The following ISCA1 variants were observed in gnomAD, a reference collection of about 807,000 sequenced individuals.
The protein encoded by ISCA1 is iron-sulfur cluster assembly 1.
Under a neutral mutation model 14.7 loss-of-function variants are expected in ISCA1, and 9 were observed. The ratio of observed to expected loss-of-function variants is 0.61; its 90% CI spans 0.37 to 1.07. The LOEUF is 1.07. ISCA1 is among the 50% of genes least tolerant of loss of function. The pLI is 0.01. For synonymous variants in ISCA1, 38 were observed against 54.3 expected (o/e 0.70, Z 1.32); for missense variants, 102 against 150.1 (o/e 0.68, Z 1.67).
Position 86,266,189 on chromosome 9 carries a change from C to G in ISCA1, c.244G>C (p.Val82Leu), listed in dbSNP as rs1324359474. The G allele has an allele frequency of 1.9e-6, 3 of 1,601,582 alleles. No individual in the cohort carries two copies. The African/African-American group carries it at 4.0e-5, about 22-fold the overall frequency. ...DSDEEVIQDG[V>L]RVFIEKKAQL... ...GCTTTCTTTTCGATGAATACTCTGACTCCTTGGAGAAAAGAAAACATGTGT... is the reference window on the plus strand; with the variant it reads ...GCTTTCTTTTCGATGAATACTCTGAGTCCTTGGAGAAAAGAAAACATGTGT... Residue 82 changes from valine to leucine, a missense_variant and splice_region_variant, in exon 4 of 4, where the codon GTC (valine) becomes CTC (leucine). Coordinates refer to ENST00000375991, the MANE Select transcript of ISCA1 (RefSeq NM_030940.4).
chr9:86,272,175 A>G, intron 2 of ISCA1, 63 bp from the exon 3 acceptor site: 1 of 988,926 alleles, frequency 1.0e-6, no homozygotes, highest in South Asian at 1.4e-5. Context: ...AATTATACTA[A>G]TAAAGTGACA....
Position 86,275,348 on chromosome 9 carries a change from A to G in ISCA1, c.82-1106T>C, listed in dbSNP as rs147615598. ...TTTACTGTACAGTAAAGTCTTTGAG[A>G]CTGCTTGTGAAGTCTCAAAGTCTGG... On this transcript the variant is annotated intron_variant, in intron 1 of 3. Coordinates refer to ENST00000375991, the MANE Select transcript of ISCA1 (RefSeq NM_030940.4). 2.6e-5 allele frequency among the ~76,000 whole-genome samples: 4 copies of G among 152,052 alleles called. No individual in the cohort carries two copies. The East Asian group carries it at 7.7e-4, about 29-fold the overall frequency.
chr9:86,270,372 G>A (rs937889578), intron 3 of ISCA1, among the ~76,000 whole-genome samples: 1 of 151,600 alleles, frequency 6.6e-6, no homozygotes, highest in Non-Finnish European at 1.5e-5. Context: ...TCAGAGAAAT[G>A]CAAATCAAAA....
In ISCA1 at chr9:86,279,265, T is replaced by C. The variant is rs115200712; in HGVS notation, c.81+3113A>G. Among the ~76,000 whole-genome samples, 641 of 152,330 alleles carry C rather than the reference T, an allele frequency of 4.2e-3. 4 individuals are homozygous for C. The highest frequency in any genetic ancestry group is 0.014 in the African/African-American group (583 of 41,578). Reference sequence around the variant, plus strand: ...ACCATCATTCTCTCATAGAACTTGGTTGAGTTTTAATGCACAGCTGTGATC... The same window carrying C: ...ACCATCATTCTCTCATAGAACTTGGCTGAGTTTTAATGCACAGCTGTGATC... On this transcript the variant is annotated intron_variant, in intron 1 of 3. Coordinates refer to ENST00000375991, the MANE Select transcript of ISCA1 (RefSeq NM_030940.4).
chr9:86,277,973 T>C (rs868469259), intron 1 of ISCA1, among the ~76,000 whole-genome samples: 7 of 152,382 alleles, frequency 4.6e-5, no homozygotes, highest in Middle Eastern at 3.4e-3. Context: ...CAACACGCTT[T>C]CTAATCCTTG....
chr9:86,280,202 A>G (rs1396857552), intron 1 of ISCA1, among the ~76,000 whole-genome samples: 5 of 152,194 alleles, frequency 3.3e-5, no homozygotes, highest in African/African-American at 1.2e-4. Flanking sequence ...TGGGAACTGT[A>G]TAACTCATTC....
At chr9:86,276,078 T>C (rs1363687311) in intron 1 of ISCA1, among the ~76,000 whole-genome samples, 1 of 152,112 alleles carries the variant, frequency 6.6e-6, no homozygotes, top group African/African-American at 2.4e-5. Context: ...TATAATGAAA[T>C]AATTATATAA....
Position 86,265,844 on chromosome 9 carries a change from C to T in ISCA1, c.*199G>A. Reference sequence around the variant, plus strand: ...AAGGATACAAGAGACCTAAATGATCCAAAAAGAGTGATGGCTTCTCATTTT... The same window carrying T: ...AAGGATACAAGAGACCTAAATGATCTAAAAAGAGTGATGGCTTCTCATTTT... On this transcript the variant is annotated 3_prime_UTR_variant, in exon 4 of 4. Coordinates refer to ENST00000375991, the MANE Select transcript of ISCA1 (RefSeq NM_030940.4). 1 of 894,058 alleles carries T rather than the reference C, an allele frequency of 1.1e-6. No individual in the cohort carries two copies. Among genetic ancestry groups the T allele is most frequent in the South Asian group, 1.5e-5 (1 of 65,218 alleles). 55.4% of individuals were successfully genotyped at this position (894,058 alleles called of 1,614,324 possible).
intron 1 of ISCA1, among the ~76,000 whole-genome samples, chr9:86,276,168 A>T (rs1001674601): frequency 1.3e-5 from 2 of 150,214 alleles, no homozygotes; most frequent in Non-Finnish European, 3.0e-5. Flanking sequence ...GTGATGAGAG[A>T]CAGTGACAGA....
Position 86,265,858 on chromosome 9 carries a change from G to C in ISCA1, c.*185C>G. The C allele has an allele frequency of 2.1e-6, 2 of 948,270 alleles. No homozygotes were observed. Among genetic ancestry groups the C allele is most frequent in the South Asian group, 2.9e-5 (2 of 69,118 alleles). 58.7% of individuals were successfully genotyped at this position (948,270 alleles called of 1,614,324 possible). A position where few individuals can be genotyped will look rare whatever the true frequency, so the allele number is the denominator to read the frequency against. Reference sequence around the variant, plus strand: ...CCTAAATGATCCAAAAAGAGTGATGGCTTCTCATTTTCTGTCCCCTATAGA... The same window carrying C: ...CCTAAATGATCCAAAAAGAGTGATGCCTTCTCATTTTCTGTCCCCTATAGA... On this transcript the variant is annotated 3_prime_UTR_variant, in exon 4 of 4. Coordinates refer to ENST00000375991, the MANE Select transcript of ISCA1 (RefSeq NM_030940.4).
chr9:86,276,896 A>AAAAAAT (rs1825444855), intron 1 of ISCA1, among the ~76,000 whole-genome samples: 3 of 147,184 alleles, frequency 2.0e-5, no homozygotes, highest in East Asian at 4.0e-4. Flanking sequence ...AAAAAAAAAA[A>AAAAAAT]GGCATAGCCA....
At chr9:86,271,954 C>G in intron 3 of ISCA1, 53 bp downstream of exon 3, 2 of 945,506 alleles carry the variant, frequency 2.1e-6, no homozygotes, top group Non-Finnish European at 3.4e-6. Flanking sequence ...CTGTGCAAGG[C>G]TAATAATTTT....
At chr9:86,272,174 A>G (rs1825378421) in intron 2 of ISCA1, 62 bp from the exon 3 acceptor site, 1 of 1,007,544 alleles carries the variant, frequency 9.9e-7, no homozygotes, top group Non-Finnish European at 1.6e-6. Flanking sequence ...CAATTATACT[A>G]ATAAAGTGAC....
At chr9:86,271,709 T>G (rs768319662) in intron 3 of ISCA1, among the ~76,000 whole-genome samples, 1 of 152,226 alleles carries the variant, frequency 6.6e-6, no homozygotes, top group Non-Finnish European at 1.5e-5. Context: ...TATCAATTAG[T>G]TACTAAGAGC....
intron 1 of ISCA1, among the ~76,000 whole-genome samples, chr9:86,274,629 A>T (rs1467510269): frequency 6.6e-6 from 1 of 152,030 alleles, no homozygotes; most frequent in Non-Finnish European, 1.5e-5. Flanking sequence ...CAAGTATCTC[A>T]CTGGGAAGGC....
chr9:86,271,924 TC>T lies in ISCA1; in HGVS notation c.241+82del, dbSNP rs1179179332. 3 of 739,738 alleles carry T rather than the reference TC, an allele frequency of 4.1e-6. No homozygotes were observed. The Admixed American group carries it at 7.2e-5, about 18-fold the overall frequency. 45.8% of individuals were successfully genotyped at this position (739,738 alleles called of 1,614,324 possible). On this transcript the variant is annotated intron_variant, in intron 3 of 3. Coordinates refer to ENST00000375991, the MANE Select transcript of ISCA1 (RefSeq NM_030940.4). ...ATTATTTACATAATTCCTGCTACTATCCTTATTTTTTACTTTGTGCTGTGCA... is the reference window on the plus strand; with the variant it reads ...ATTATTTACATAATTCCTGCTACTATCTTATTTTTTACTTTGTGCTGTGCA...
intron 3 of ISCA1, among the ~76,000 whole-genome samples, chr9:86,270,027 C>A (rs912734340): frequency 4.6e-5 from 7 of 151,536 alleles, no homozygotes; most frequent in African/African-American, 1.5e-4. Flanking sequence ...AGGACATAGG[C>A]ATGGGAAAGG....
chr9:86,277,431 T>G lies in ISCA1; in HGVS notation c.82-3189A>C, dbSNP rs115733355. 5.0e-3 allele frequency among the ~76,000 whole-genome samples: 755 copies of G among 152,304 alleles called. 5 individuals are homozygous for G. Among genetic ancestry groups the G allele is most frequent in the African/African-American group, 0.018 (731 of 41,556 alleles). On this transcript the variant is annotated intron_variant, in intron 1 of 3. Coordinates refer to ENST00000375991, the MANE Select transcript of ISCA1 (RefSeq NM_030940.4). ...CTTAGAACTTTCAAAGTGACTGATC[T>G]GATTTTCAGAACAAGGGAGAGTGGT...
intron 3 of ISCA1, among the ~76,000 whole-genome samples, chr9:86,270,477 A>G (rs1324221690): frequency 4.7e-5 from 7 of 150,296 alleles, no homozygotes; most frequent in Non-Finnish European, 1.0e-4. Context: ...AAATAGGAAC[A>G]CTTTTACACT....
Sources: allele counts gnomAD v4.1 joint callset (sites outside exome capture counted in the v4.1 genomes callset), GRCh38; gene constraint gnomAD v4.1.1; transcripts MANE v1.5; gene names NCBI Gene and HGNC (gene_info 2026-07-23, HGNC 2026-07-21).